Variants in CXCR5 observed in about 807,000 individuals in gnomAD.
CXCR5 encodes C-X-C motif chemokine receptor 5, also known as C-X-C chemokine receptor type 5.
CXCR5 carries 3 observed loss-of-function variants against 5.6 expected under a neutral mutation model. The observed-to-expected ratio is 0.54, with a 90% CI of 0.24 to 1.39. The LOEUF (loss-of-function observed/expected upper bound fraction) is 1.39, where lower values mean the gene tolerates loss of function less well. CXCR5 is among the 40% of genes most tolerant of loss of function. The probability of loss-of-function intolerance (pLI) is 0.16; values close to 1 mark genes in which losing one functional copy is unlikely to be tolerated. For missense variants in CXCR5, 333 were observed against 494.6 expected, an observed-to-expected ratio of 0.67 and a Z score of 3.10; for synonymous variants, 218 against 219.9, an observed-to-expected ratio of 0.99 and a Z score of 0.08.
chr11:118,893,498 C>T lies in CXCR5; in HGVS notation c.52-98C>T. The T allele has an allele frequency of 1.3e-6, 2 of 1,492,120 alleles. No homozygotes were observed. The highest frequency in any genetic ancestry group is 2.3e-5 in the East Asian group (1 of 43,530). 92.4% of individuals were successfully genotyped at this position (1,492,120 alleles called of 1,614,324 possible). ...TGAAACTTGACATTTGGTCAGTGGG[C>T]CCTATGTAGGAAAAAACCTCCAAGA... On this transcript the variant is annotated intron_variant, in intron 1 of 1. Transcript: ENST00000292174. This position sits in a 1 kb window ranked among gnomAD's most constrained non-coding sequence, Gnocchi z 5.7.
chr11:118,888,823 G>A (rs930216503), intron 1 of CXCR5, among the ~76,000 whole-genome samples: 1 of 152,194 alleles, frequency 6.6e-6, no homozygotes, highest in Non-Finnish European at 1.5e-5. Flanking sequence ...AAGCTGGGCT[G>A]AGAGTGCTGA....
In CXCR5 at chr11:118,895,574, G is replaced by A. The variant is rs914334577; in HGVS notation, c.*911G>A. ...TGGGTCCAGGGGATGGGAGGTTGTG[G>A]GCATTGATGGGGAAGGAGGCTGGCT... On this transcript the variant is annotated 3_prime_UTR_variant, in exon 2 of 2. Transcript: ENST00000292174. The surrounding 1 kb of genome is among the most constrained non-coding windows in gnomAD (Gnocchi z 4.2). 1 of 167,110 alleles carries A rather than the reference G, an allele frequency of 6.0e-6. No individual in the cohort carries two copies. Among genetic ancestry groups the A allele is most frequent in the African/African-American group, 2.4e-5 (1 of 41,448 alleles). 10.4% of individuals were successfully genotyped at this position (167,110 alleles called of 1,614,324 possible).
At chr11:118,892,172 C>G (rs1490644476) in intron 1 of CXCR5, among the ~76,000 whole-genome samples, 1 of 152,178 alleles carries the variant, frequency 6.6e-6, no homozygotes, top group Non-Finnish European at 1.5e-5. Context: ...GCAGATGGCT[C>G]TACCCTTGCA....
intron 1 of CXCR5, among the ~76,000 whole-genome samples, chr11:118,888,035 A>G (rs888008621): frequency 2.6e-5 from 4 of 152,150 alleles, no homozygotes; most frequent in Admixed American, 2.0e-4. Flanking sequence ...TAGAAATACC[A>G]AGTCTCCGGC....
chr11:118,891,423 C>A (rs901608334), intron 1 of CXCR5, among the ~76,000 whole-genome samples: 3 of 151,916 alleles, frequency 2.0e-5, no homozygotes, highest in African/African-American at 7.3e-5. Flanking sequence ...CACTGCAGTC[C>A]CAAATTCCCT....
At chr11:118,890,385 A>AT (rs1939789070) in intron 1 of CXCR5, among the ~76,000 whole-genome samples, 4 of 152,172 alleles carry the variant, frequency 2.6e-5, no homozygotes, top group Admixed American at 2.0e-4. Flanking sequence ...AGAAAGTGTC[A>AT]TCCCAACCCT....
intron 1 of CXCR5, among the ~76,000 whole-genome samples, chr11:118,890,209 G>A (rs1290240274): frequency 6.6e-6 from 1 of 152,204 alleles, no homozygotes; most frequent in African/African-American, 2.4e-5. Context: ...AGATTACGGA[G>A]TGAGTCCCTG....
intron 1 of CXCR5, chr11:118,887,484 C>T: frequency 1.0e-6 from 1 of 954,052 alleles, no homozygotes; most frequent in Non-Finnish European, 1.2e-6. Context: ...TTAAACTCTC[C>T]CCCTAACACC....
At chr11:118,888,303 C>T (rs1301979993) in intron 1 of CXCR5, among the ~76,000 whole-genome samples, 2 of 152,174 alleles carry the variant, frequency 1.3e-5, no homozygotes, top group Non-Finnish European at 2.9e-5. Flanking sequence ...TCAGCTTCTG[C>T]CCAGTCCTTC....
At chr11:118,885,682 T>C (rs1939700274) in intron 1 of CXCR5, among the ~76,000 whole-genome samples, 1 of 151,858 alleles carries the variant, frequency 6.6e-6, no homozygotes, top group Non-Finnish European at 1.5e-5. Flanking sequence ...ACCTTAAGAG[T>C]TTCCCCTAAC....
In CXCR5 at chr11:118,896,081, C is replaced by T. The variant is rs1939908866; in HGVS notation, c.*1418C>T. On this transcript the variant is annotated 3_prime_UTR_variant, in exon 2 of 2. Coordinates refer to ENST00000292174, the MANE Select transcript of CXCR5 (RefSeq NM_001716.5). ...TCCCTTTTTTCTCTGAGTATCTCCT[C>T]GCAAGCTGGGTAATCGATGGGGGAG... The T allele has an allele frequency of 6.0e-6, 1 of 166,976 alleles. No individual in the cohort carries two copies. The highest frequency in any genetic ancestry group is 2.4e-5 in the African/African-American group (1 of 41,400). 10.3% of individuals were successfully genotyped at this position (166,976 alleles called of 1,614,324 possible). A position where few individuals can be genotyped will look rare whatever the true frequency, so the allele number is the denominator to read the frequency against.
chr11:118,889,956 C>T (rs918487597), intron 1 of CXCR5, among the ~76,000 whole-genome samples: 7 of 152,210 alleles, frequency 4.6e-5, no homozygotes, highest in African/African-American at 1.7e-4. Flanking sequence ...CTGGCTGGAC[C>T]TAAGCCCTCA....
intron 1 of CXCR5, chr11:118,887,491 C>A (rs2137653054): frequency 1.1e-6 from 1 of 940,638 alleles, no homozygotes; most frequent in Non-Finnish European, 1.3e-6. Flanking sequence ...CTCCCCCTAA[C>A]ACCACATCCA....
rs1939917762 is a variant in CXCR5, at chr11:118,896,318, G to A, written c.*1655G>A. 1 of 156,066 alleles carries A rather than the reference G, an allele frequency of 6.4e-6. No homozygotes were observed. Among genetic ancestry groups the A allele is most frequent in the Admixed American group, 6.6e-5 (1 of 15,224 alleles). 9.7% of individuals were successfully genotyped at this position (156,066 alleles called of 1,614,324 possible). On this transcript the variant is annotated 3_prime_UTR_variant, in exon 2 of 2. Transcript: ENST00000292174. ...ATATATTTATATAATGGTACAAAAT[G>A]GCTGGGGGTGTGGCCATGGATGGAG...
intron 1 of CXCR5, among the ~76,000 whole-genome samples, chr11:118,884,942 G>GCT: frequency 6.6e-6 from 1 of 152,318 alleles, no homozygotes. Context: ...CCTGGAGAGA[G>GCT]GACTTGTTTC....
In CXCR5 at chr11:118,893,897, G is replaced by A. The variant is rs758788445; in HGVS notation, c.353G>A (p.Gly118Glu). Residue 118 changes from glycine (G) to glutamate (E), a missense_variant, in exon 2 of 2, where the codon GGG becomes GAG. Gly to Glu is a moderately conservative substitution (Grantham distance 98). Coordinates refer to ENST00000292174, the MANE Select transcript of CXCR5 (RefSeq NM_001716.5). The surrounding 1 kb of genome is among the most constrained non-coding windows in gnomAD (Gnocchi z 5.7). ...GAGGGCTCTGTGGGCTGGGTCCTGG[G>A]GACCTTCCTCTGCAAAACTGTGATT... ...VAEGSVGWVL[G>E]TFLCKTVIAL... 3 of 1,614,052 alleles carry A rather than the reference G, an allele frequency of 1.9e-6. No individual in the cohort carries two copies. The highest frequency in any genetic ancestry group is 2.5e-6 in the Non-Finnish European group (3 of 1,180,036).
In CXCR5 at chr11:118,897,749, CT is replaced by C; in HGVS notation, c.*3090del. On this transcript the variant is annotated 3_prime_UTR_variant, in exon 2 of 2. Transcript: ENST00000292174. ...AACTTGAAGAAGGGGGGAAGGGTTT[CT>C]TTTATCCTTTTTTTTTTGTGTGACT... 1 of 438,858 alleles carries C rather than the reference CT, an allele frequency of 2.3e-6. No individual in the cohort carries two copies. The highest frequency in any genetic ancestry group is 2.6e-5 in the Admixed American group (1 of 38,758). The allele number at this position is 438,858 out of a possible 1,614,324, so 27.2% of individuals were successfully genotyped here.
Position 118,895,387 on chromosome 11 carries a change from A to AGT in CXCR5, c.*726_*727dup, listed in dbSNP as rs1362453664. ...CTCTAGGTGCCCTTGGAGGCCAGCC[A>AGT]GTGACCTGAGGAAGCGTGAAGGCCG... On this transcript the variant is annotated 3_prime_UTR_variant, in exon 2 of 2. Coordinates refer to ENST00000292174, the MANE Select transcript of CXCR5 (RefSeq NM_001716.5). The surrounding 1 kb of genome is among the most constrained non-coding windows in gnomAD (Gnocchi z 4.2). 6.0e-6 allele frequency: 1 copy of AGT among 167,192 alleles called. No individual in the cohort carries two copies. Among genetic ancestry groups the AGT allele is most frequent in the Non-Finnish European group, 1.5e-5 (1 of 68,210 alleles). The allele number at this position is 167,192 out of a possible 1,614,324, so 10.4% of individuals were successfully genotyped here. A position where few individuals can be genotyped will look rare whatever the true frequency, so the allele number is the denominator to read the frequency against.
rs375559046 is a variant in CXCR5, at chr11:118,893,827, G to A, written c.283G>A (p.Val95Met). The A allele has an allele frequency of 1.7e-5, 28 of 1,613,994 alleles. No homozygotes were observed. Among genetic ancestry groups the A allele is most frequent in the Non-Finnish European group, 2.0e-5 (24 of 1,180,026 alleles). Residue 95 changes from valine to methionine, a missense_variant, in exon 2 of 2, where the codon GTG (valine) becomes ATG (methionine). Transcript: ENST00000292174. The surrounding 1 kb of genome is among the most constrained non-coding windows in gnomAD (Gnocchi z 5.7). Reference protein sequence around the residue: ...STETFLFHLAVADLLLVFILP... With the variant: ...STETFLFHLAMADLLLVFILP... ...GGAGACCTTCCTGTTCCACCTGGCC[G>A]TGGCCGACCTCCTGCTGGTCTTCAT... is the stretch of plus-strand genomic sequence containing the variant.
Sources: gnomAD v4.1 joint callset for allele counts (sites outside exome capture counted in the v4.1 genomes callset) on GRCh38, gnomAD v4.1.1 for gene constraint, Gnocchi (gnomAD v3.1) non-coding constraint, MANE v1.5 for transcripts, NCBI Gene and HGNC (gene_info 2026-07-23, HGNC 2026-07-21) for gene names.